TNFRSF1A: variants seen among roughly 807,000 people sequenced by gnomAD.
The protein encoded by TNFRSF1A is tumor necrosis factor receptor superfamily member 1A.
In TNFRSF1A, 9 loss-of-function variants were observed where a neutral mutation model predicts 41.6. That is an observed-to-expected ratio of 0.22 (90% confidence interval 0.13 to 0.38). The LOEUF (loss-of-function observed/expected upper bound fraction) is 0.38, where lower values mean the gene tolerates loss of function less well. Ranked by LOEUF, TNFRSF1A falls within the 10% of genes least tolerant of loss-of-function variation. The probability of loss-of-function intolerance (pLI) is 1.00; values close to 1 mark genes in which losing one functional copy is unlikely to be tolerated. For synonymous variants in TNFRSF1A, 254 were observed against 248.6 expected, an observed-to-expected ratio of 1.02 and a Z score of -0.21; for missense variants, 463 against 591.5, an observed-to-expected ratio of 0.78 and a Z score of 2.25.
rs928524594 is a variant in TNFRSF1A, at chr12:6,342,033, A to T, written c.-219T>A. The stretch of plus-strand genomic sequence containing the variant: ...GCCTCAGTCCAGAGAATTCTGAGAA[A>T]ATTAAAGCAGAGAGGAGGGGAGAGA... On this transcript the variant is annotated 5_prime_UTR_variant, in exon 1 of 10. Coordinates refer to ENST00000162749, the MANE Select transcript of TNFRSF1A (RefSeq NM_001065.4). 3 of 620,592 alleles carry T rather than the reference A, an allele frequency of 4.8e-6. No homozygotes were observed. Among genetic ancestry groups the T allele is most frequent in the Non-Finnish European group, 8.8e-6 (3 of 341,722 alleles). The allele number at this position is 620,592 out of a possible 1,614,324, so 38.4% of individuals were successfully genotyped here. A position where few individuals can be genotyped will look rare whatever the true frequency, so the allele number is the denominator to read the frequency against.
rs917649659 is a variant in TNFRSF1A at position 6,333,599 on chromosome 12, C to A, written c.323-83G>T. The stretch of plus-strand genomic sequence containing the variant: ...TCCTGACATACCCCTAAGTGTGTGT[C>A]TCTGTAATACACACTCACATCCATG... On this transcript the variant is annotated intron_variant, in intron 3 of 9. Transcript: ENST00000162749. The surrounding 1 kb of genome is among the most constrained non-coding windows in gnomAD (Gnocchi z 6.3). 4.4e-6 allele frequency: 7 copies of A among 1,595,284 alleles called. No individual in the cohort carries two copies. Among genetic ancestry groups the A allele is most frequent in the Non-Finnish European group, 6.0e-6 (7 of 1,167,250 alleles).
chr12:6,336,046 C>T (rs1229923672), intron 1 of TNFRSF1A, among the ~76,000 whole-genome samples: 2 of 152,176 alleles, frequency 1.3e-5, no homozygotes, highest in Non-Finnish European at 2.9e-5. Context: ...AAGAACTTCC[C>T]AGTCCTGAAA....
At chr12:6,332,393 C>G (rs1021927540) in intron 5 of TNFRSF1A, among the ~76,000 whole-genome samples, 3 of 144,666 alleles carry the variant, frequency 2.1e-5, no homozygotes, top group African/African-American at 7.8e-5. Context: ...ACGGTTGCAC[C>G]ACTGCACTCC....
rs924750904 is a variant in TNFRSF1A at position 6,333,569 on chromosome 12, C to A, written c.323-53G>T. 10 of 1,612,454 alleles carry A rather than the reference C, an allele frequency of 6.2e-6. No individual in the cohort carries two copies. The African/African-American group carries it at 1.2e-4, about 19-fold the overall frequency. On this transcript the variant is annotated intron_variant, in intron 3 of 9. Coordinates refer to ENST00000162749, the MANE Select transcript of TNFRSF1A (RefSeq NM_001065.4). This position sits in a 1 kb window ranked among gnomAD's most constrained non-coding sequence, Gnocchi z 6.3. ...GTCCTGCATCCTCCTGTCCCTGCAT[C>A]CCCTTCCTGACATACCCCTAAGTGT... is the stretch of plus-strand genomic sequence containing the variant.
rs58388160 is a variant in TNFRSF1A at position 6,334,549 on chromosome 12, G to A, written c.40-305C>T. 0.022 allele frequency among the ~76,000 whole-genome samples: 3,406 copies of A among 151,792 alleles called. 91 individuals carry two copies. Among genetic ancestry groups the A allele is most frequent in the East Asian group, 0.1 (516 of 5,166 alleles). On this transcript the variant is annotated intron_variant, in intron 1 of 9. Coordinates refer to ENST00000162749, the MANE Select transcript of TNFRSF1A (RefSeq NM_001065.4). The surrounding 1 kb of genome is among the most constrained non-coding windows in gnomAD (Gnocchi z 5.1). The stretch of plus-strand genomic sequence containing the variant: ...AGGCAGGATCTTGCTCTGTTGTCCA[G>A]GCTGGAGTGCAGTGATGCAATCACT...
chr12:6,330,538 C>A, intron 7 of TNFRSF1A, 60 bp downstream of exon 7: 1 of 1,307,812 alleles, frequency 7.6e-7, no homozygotes, highest in Non-Finnish European at 1.1e-6. Context: ...GTCCATCGCA[C>A]CCACCCATGT....
At chr12:6,336,783 C>T (rs983017765) in intron 1 of TNFRSF1A, among the ~76,000 whole-genome samples, 1 of 152,228 alleles carries the variant, frequency 6.6e-6, no homozygotes, top group Non-Finnish European at 1.5e-5. Context: ...AAACCCATTC[C>T]GTGAGCTCTC....
intron 1 of TNFRSF1A, among the ~76,000 whole-genome samples, chr12:6,339,835 TCTCTCTCACACACA>T (rs1252236813): frequency 3.6e-4 from 47 of 130,450 alleles, no homozygotes; most frequent in Admixed American, 2.3e-3. Flanking sequence ...TCTCTCTCTC[TCTCTCTCACACACA>T]CACACACACA....
At position 6,329,290 on chromosome 12, in the gene TNFRSF1A, A is replaced by C. The variant is rs759423059; in HGVS notation, c.*22T>G. ...GGCGATCTCGCAGGACGGTCCTTAG[A>C]GCTGCCCGCAGGGGCGCAGCCTCAT... On this transcript the variant is annotated 3_prime_UTR_variant, in exon 10 of 10. Transcript: ENST00000162749. 21 of 1,455,100 alleles carry C rather than the reference A, an allele frequency of 1.4e-5. No individual in the cohort carries two copies. The highest frequency in any genetic ancestry group is 1.9e-5 in the Non-Finnish European group (21 of 1,112,050). 90.1% of individuals were successfully genotyped at this position (1,455,100 alleles called of 1,614,324 possible).
chr12:6,330,301 GAAA>G lies in TNFRSF1A; in HGVS notation c.740-9_740-7del. ...AGGTGTCGATTTCCCACAAACTGAG[GAAA>G]AAGAAAGAAAGCATCATAAATTTCA... is the stretch of plus-strand genomic sequence containing the variant. On this transcript the variant is annotated splice_polypyrimidine_tract_variant and splice_region_variant and intron_variant, in intron 7 of 9. Coordinates refer to ENST00000162749, the MANE Select transcript of TNFRSF1A (RefSeq NM_001065.4). The G allele has an allele frequency of 6.2e-7, 1 of 1,613,164 alleles. No homozygotes were observed. The highest frequency in any genetic ancestry group is 8.5e-7 in the Non-Finnish European group (1 of 1,179,258).
At position 6,333,207 on chromosome 12, in the gene TNFRSF1A, C is replaced by T; in HGVS notation, c.473-60G>A. 1 of 1,586,264 alleles carries T rather than the reference C, an allele frequency of 6.3e-7. No individual in the cohort carries two copies. The highest frequency in any genetic ancestry group is 8.6e-7 in the Non-Finnish European group (1 of 1,157,622). On this transcript the variant is annotated intron_variant, in intron 4 of 9. Coordinates refer to ENST00000162749, the MANE Select transcript of TNFRSF1A (RefSeq NM_001065.4). The surrounding 1 kb of genome is among the most constrained non-coding windows in gnomAD (Gnocchi z 6.3). ...GCGCCTGCACCCCCACCCCACAGGACAGAGGAAGTGACGAGGGACAGGGTG... is the reference window on the plus strand; with the variant it reads ...GCGCCTGCACCCCCACCCCACAGGATAGAGGAAGTGACGAGGGACAGGGTG...
chr12:6,333,721 G>C lies in TNFRSF1A; in HGVS notation c.322+16C>G, dbSNP rs747953475. ...CACTCAAGACCCGCCTGACTCTCCT[G>C]CCTGTGCACACTCACCCTTTCGGCA... is the stretch of plus-strand genomic sequence containing the variant. On this transcript the variant is annotated intron_variant, in intron 3 of 9. Transcript: ENST00000162749. This position sits in a 1 kb window ranked among gnomAD's most constrained non-coding sequence, Gnocchi z 6.3. The C allele has an allele frequency of 2.7e-5, 43 of 1,566,292 alleles. No individual in the cohort carries two copies. Among genetic ancestry groups the C allele is most frequent in the Non-Finnish European group, 3.6e-5 (42 of 1,154,392 alleles).
chr12:6,339,631 C>G (rs896416740), intron 1 of TNFRSF1A, among the ~76,000 whole-genome samples: 11 of 152,190 alleles, frequency 7.2e-5, no homozygotes, highest in African/African-American at 2.7e-4. Context: ...CTCCTCCTCC[C>G]AACTGGTGCT....
Position 6,328,935 on chromosome 12 carries a change from A to AAAAAC in TNFRSF1A, c.*372_*376dup, listed in dbSNP as rs554776242. On this transcript the variant is annotated 3_prime_UTR_variant, in exon 10 of 10. Transcript: ENST00000162749. Reference sequence around the variant, plus strand: ...TCTATTAGTGTAACATGATTGATTTAAAAACAAAACAAAACAAAACAAAAA... The same window carrying AAAAAC: ...TCTATTAGTGTAACATGATTGATTTAAAAACAAAACAAAACAAAACAAAACAAAAA... 2.6e-4 allele frequency: 63 copies of AAAAAC among 239,962 alleles called. No homozygotes were observed. The highest frequency in any genetic ancestry group is 3.9e-4 in the Non-Finnish European group (49 of 125,494). The allele number at this position is 239,962 out of a possible 1,614,324, so 14.9% of individuals were successfully genotyped here.
At position 6,330,660 on chromosome 12, in the gene TNFRSF1A, G is replaced by C. The variant is rs775002776; in HGVS notation, c.677C>G (p.Ser226Cys). 3.1e-6 allele frequency: 5 copies of C among 1,613,862 alleles called. No individual in the cohort carries two copies. Among genetic ancestry groups the C allele is most frequent in the Non-Finnish European group, 4.2e-6 (5 of 1,179,882 alleles). ...ATACATTAAACCAATGAAGAGGAGGGATAAAAGGCAAAGACCAAAGAAAAT... is the reference window on the plus strand; with the variant it reads ...ATACATTAAACCAATGAAGAGGAGGCATAAAAGGCAAAGACCAAAGAAAAT... ...LVIFFGLCLL[S>C]LLFIGLMYRY... is the part of the protein sequence containing the mutation. The change falls in exon 7 of 10, where the codon TCC becomes TGC. Residue 226 changes from serine to cysteine, a missense_variant. This residue lies in a region of TNFRSF1A where 149 missense variants were observed against 239.4 expected (regional missense o/e 0.62). Coordinates refer to ENST00000162749, the MANE Select transcript of TNFRSF1A (RefSeq NM_001065.4).
At chr12:6,338,569 T>C (rs1948148348) in intron 1 of TNFRSF1A, among the ~76,000 whole-genome samples, 1 of 148,614 alleles carries the variant, frequency 6.7e-6, no homozygotes, top group Admixed American at 6.8e-5. Context: ...CTTCCACAGA[T>C]GCCTCACTAC....
chr12:6,329,681 C>G (rs1476685642), intron 9 of TNFRSF1A, 59 bp from the exon 10 acceptor site: 3 of 1,530,916 alleles, frequency 2.0e-6, no homozygotes, highest in African/African-American at 2.8e-5. Context: ...CCCCGCATCC[C>G]GCGCCCTCCG....
rs1376016878 is a variant in TNFRSF1A, at chr12:6,337,765, T to C, written c.40-3521A>G. On this transcript the variant is annotated intron_variant, in intron 1 of 9. Coordinates refer to ENST00000162749, the MANE Select transcript of TNFRSF1A (RefSeq NM_001065.4). The surrounding 1 kb of genome is among the most constrained non-coding windows in gnomAD (Gnocchi z 4.6). ...CAAAGTGACCACGAACCTTATAAGA[T>C]GAGAGATCAAAAAATGTCTTGGTCA... is the stretch of plus-strand genomic sequence containing the variant. Among the ~76,000 whole-genome samples, 3 of 146,906 alleles carry C rather than the reference T, an allele frequency of 2.0e-5. No individual in the cohort carries two copies. Among genetic ancestry groups the C allele is most frequent in the Non-Finnish European group, 4.4e-5 (3 of 68,026 alleles).
intron 1 of TNFRSF1A, among the ~76,000 whole-genome samples, chr12:6,340,719 A>G (rs1948184412): frequency 1.3e-5 from 2 of 152,172 alleles, no homozygotes; most frequent in East Asian, 1.9e-4. Flanking sequence ...GGAAGAGTAT[A>G]AGGCACTAAA....
Sources: allele counts gnomAD v4.1 joint callset (sites outside exome capture counted in the v4.1 genomes callset), GRCh38; gene constraint gnomAD v4.1.1; regional missense constraint gnomAD v4.1.1; non-coding constraint Gnocchi (gnomAD v3.1); transcripts MANE v1.5; gene names NCBI Gene and HGNC (gene_info 2026-07-23, HGNC 2026-07-21).